The following PSD3 variants were observed in gnomAD, a reference collection of about 807,000 sequenced individuals.
PSD3 encodes the protein PH and SEC7 domain-containing protein 3.
In PSD3, 49 loss-of-function variants were observed where a neutral mutation model predicts 105.5. The observed-to-expected ratio is 0.46, with a 90% CI of 0.37 to 0.59. The LOEUF is 0.59. Ranked by LOEUF, PSD3 falls within the 20% of genes least tolerant of loss-of-function variation. PSD3 has a pLI of 0.00. For missense variants in PSD3, 1,561 were observed against 1,263.8 expected, an observed-to-expected ratio of 1.24 and a Z score of -3.57; for synonymous variants, 557 against 457.8, an observed-to-expected ratio of 1.22 and a Z score of -2.77.
intron 2 of PSD3, among the ~76,000 whole-genome samples, chr8:18,914,427 G>C (rs1820449922): frequency 6.6e-6 from 1 of 151,932 alleles, no homozygotes; most frequent in Non-Finnish European, 1.5e-5. Context: ...TAAGTAAAAT[G>C]GTCTCTTTTT....
At chr8:18,666,997 T>C (rs1306387452) in intron 9 of PSD3, among the ~76,000 whole-genome samples, 1 of 152,156 alleles carries the variant, frequency 6.6e-6, no homozygotes, top group Non-Finnish European at 1.5e-5. Context: ...ATGGTCTTGC[T>C]GGATGTGTTG....
At chr8:18,910,201 G>A (rs1262056116) in intron 2 of PSD3, among the ~76,000 whole-genome samples, 17 of 150,244 alleles carry the variant, frequency 1.1e-4, no homozygotes, top group African/African-American at 2.2e-4. Context: ...TGTTTATTGC[G>A]GCACTATTCA....
chr8:19,065,909 C>T (rs1029913129), intron 1 of PSD3, among the ~76,000 whole-genome samples: 8 of 152,236 alleles, frequency 5.3e-5, no homozygotes, highest in East Asian at 3.9e-4. Context: ...TTCTGGTGAC[C>T]GCCTCCAATC....
intron 9 of PSD3, among the ~76,000 whole-genome samples, chr8:18,713,885 A>G (rs1326062840): frequency 6.6e-6 from 1 of 152,204 alleles, no homozygotes; most frequent in Non-Finnish European, 1.5e-5. Context: ...AAACTATACT[A>G]CAAGTCTACA....
intron 1 of PSD3, among the ~76,000 whole-genome samples, chr8:19,043,733 C>T (rs1828214473): frequency 6.6e-6 from 1 of 152,126 alleles, no homozygotes; most frequent in Non-Finnish European, 1.5e-5. Flanking sequence ...CTTCTTTTGC[C>T]ATTTCCCCTT....
At chr8:18,993,284 C>A (rs1333504919) in intron 1 of PSD3, among the ~76,000 whole-genome samples, 43 of 152,298 alleles carry the variant, frequency 2.8e-4, no homozygotes, top group Non-Finnish European at 1.0e-4. Context: ...TTAAAGATCA[C>A]AGTTCTATGA....
At chr8:18,853,517 G>C (rs1815758199) in intron 4 of PSD3, among the ~76,000 whole-genome samples, 1 of 152,044 alleles carries the variant, frequency 6.6e-6, no homozygotes, top group African/African-American at 2.4e-5. Flanking sequence ...AAACCGTGAG[G>C]CTGAAATTCC....
chr8:18,860,982 T>TC (rs1816394821), intron 4 of PSD3, among the ~76,000 whole-genome samples: 1 of 152,138 alleles, frequency 6.6e-6, no homozygotes, highest in African/African-American at 2.4e-5. Context: ...GCCACCAATA[T>TC]CCAGGGAATT....
In PSD3 at chr8:18,661,310, T is replaced by A. The variant is rs1386696; in HGVS notation, c.2173-5625A>T. Among the ~76,000 whole-genome samples, 2 of 152,302 alleles carry A rather than the reference T, an allele frequency of 1.3e-5. 1 individual carries two copies. Among genetic ancestry groups the A allele is most frequent in the East Asian group, 3.9e-4 (2 of 5,174 alleles). On this transcript the variant is annotated intron_variant, in intron 9 of 15. Transcript: ENST00000327040. The stretch of plus-strand genomic sequence containing the variant: ...TATGACACCATCCGTACCACAATTC[T>A]CTCTTTCAAATGCTATGCTGGCTCT...
chr8:18,851,986 A>G (rs1815614625), intron 4 of PSD3, among the ~76,000 whole-genome samples: 2 of 152,344 alleles, frequency 1.3e-5, no homozygotes, highest in Middle Eastern at 3.4e-3. Flanking sequence ...GCAAAAAGAA[A>G]CTGACATCAG....
At chr8:18,689,160 T>C (rs1800829493) in intron 9 of PSD3, among the ~76,000 whole-genome samples, 1 of 152,194 alleles carries the variant, frequency 6.6e-6, no homozygotes, top group Admixed American at 6.5e-5. Context: ...TTCTTTGCTG[T>C]GTCTACTAGG....
Position 19,049,140 on chromosome 8 carries a change from C to T in PSD3, c.324+35066G>A, listed in dbSNP as rs541678143. 2.0e-5 allele frequency among the ~76,000 whole-genome samples: 3 copies of T among 152,210 alleles called. No homozygotes were observed. In the East Asian group the frequency reaches 5.8e-4, roughly 29 times the overall value. ...TTTACCTTAATTACCTCCTTAAAGG[C>T]CCTATCGCCAAATACAGTCACATTT... On this transcript the variant is annotated intron_variant, in intron 1 of 1. Transcript: ENST00000521475.
chr8:18,546,793 AC>A (rs1255537260), intron 15 of PSD3, among the ~76,000 whole-genome samples: 1 of 151,572 alleles, frequency 6.6e-6, no homozygotes, highest in Admixed American at 6.6e-5. Flanking sequence ...TTTCCCTCCA[AC>A]CCCCACCTCA....
intron 13 of PSD3, among the ~76,000 whole-genome samples, chr8:18,573,838 T>C (rs1442746635): frequency 6.6e-6 from 1 of 152,130 alleles, no homozygotes; most frequent in Non-Finnish European, 1.5e-5. Context: ...TTTGGAGTGA[T>C]GGAAATGATT....
chr8:18,943,935 G>A (rs561840818), intron 1 of PSD3, among the ~76,000 whole-genome samples: 1 of 151,966 alleles, frequency 6.6e-6, no homozygotes, highest in African/African-American at 2.4e-5. Context: ...AATGCAGCTA[G>A]ACCAAGAAGG....
intron 9 of PSD3, among the ~76,000 whole-genome samples, chr8:18,678,808 G>A (rs1290585634): frequency 8.0e-5 from 7 of 87,992 alleles, no homozygotes; most frequent in Non-Finnish European, 1.7e-4. Flanking sequence ...GCAAAACTCC[G>A]TCTCAAAAAA....
chr8:19,010,988 C>G (rs998609476), intron 1 of PSD3, among the ~76,000 whole-genome samples: 2 of 151,290 alleles, frequency 1.3e-5, no homozygotes, highest in Non-Finnish European at 2.9e-5. Context: ...CTCCTATAAG[C>G]CTGATTCACA....
intron 14 of PSD3, among the ~76,000 whole-genome samples, chr8:18,568,903 G>A (rs1245826754): frequency 4.1e-5 from 6 of 147,970 alleles, no homozygotes; most frequent in Non-Finnish European, 8.9e-5. Flanking sequence ...TCCCCTTCCT[G>A]TGTCCATGTG....
intron 9 of PSD3, among the ~76,000 whole-genome samples, chr8:18,712,643 CCCAA>C (rs1232995465): frequency 2.0e-5 from 3 of 152,100 alleles, no homozygotes; most frequent in South Asian, 4.2e-4. Flanking sequence ...TAAATAGCCT[CCCAA>C]CCAAACAAAC....
Sources: allele counts gnomAD v4.1 joint callset (sites outside exome capture counted in the v4.1 genomes callset), GRCh38; gene constraint gnomAD v4.1.1; transcripts MANE v1.5; gene names NCBI Gene and HGNC (gene_info 2026-07-23, HGNC 2026-07-21).